LRCH3: variants seen among roughly 807,000 people sequenced by gnomAD.
LRCH3 encodes the protein leucine rich repeats and calponin homology domain containing 3.
In LRCH3, 68 loss-of-function variants were observed where a neutral mutation model predicts 104.5. The observed-to-expected ratio is 0.65, with a 90% CI of 0.54 to 0.80. The LOEUF (loss-of-function observed/expected upper bound fraction) is 0.80, where lower values mean the gene tolerates loss of function less well. LRCH3 is among the 30% of genes least tolerant of loss of function. The pLI is 0.00. For synonymous variants in LRCH3, 344 were observed against 361.3 expected, an observed-to-expected ratio of 0.95 and a Z score of 0.54; for missense variants, 951 against 953.9, an observed-to-expected ratio of 1.00 and a Z score of 0.04.
chr3:197,845,717 C>T (rs1738575695), intron 10 of LRCH3, among the ~76,000 whole-genome samples: 1 of 151,926 alleles, frequency 6.6e-6, no homozygotes, highest in South Asian at 2.1e-4. Context: ...CCAGCCTGGC[C>T]AGCATGGTGA....
At chr3:197,824,448 CTT>C (rs982428687) in intron 4 of LRCH3, among the ~76,000 whole-genome samples, 3 of 149,726 alleles carry the variant, frequency 2.0e-5, no homozygotes, top group African/African-American at 7.4e-5. Flanking sequence ...ATTCCACCCT[CTT>C]TTTCCAGCAG....
intron 12 of LRCH3, chr3:197,850,351 C>CTTTTTTTT (rs199876882): frequency 1.1e-4 from 67 of 619,434 alleles, no homozygotes; most frequent in South Asian, 3.7e-4. Context: ...ACCATTTTTT[C>CTTTTTTTT]TTTTTTTTTT....
At chr3:197,881,938 T>A in intron 20 of LRCH3, 1 of 985,468 alleles carries the variant, frequency 1.0e-6, no homozygotes, top group Non-Finnish European at 1.2e-6. Context: ...TGTTCACTAT[T>A]AATGCTGAAA....
rs1280420132 is a variant in LRCH3 at position 197,886,461 on chromosome 3, T to C, written c.*2795T>C. Reference sequence around the variant, plus strand: ...TTCCCAACAGACCCACCAACTCTTATATACCCTTATATAACTTGTTTAGAA... The same window carrying C: ...TTCCCAACAGACCCACCAACTCTTACATACCCTTATATAACTTGTTTAGAA... On this transcript the variant is annotated 3_prime_UTR_variant, in exon 21 of 21. Transcript: ENST00000425562. 1.3e-5 allele frequency: 2 copies of C among 152,222 alleles called. No individual in the cohort carries two copies. The highest frequency in any genetic ancestry group is 2.9e-5 in the Non-Finnish European group (2 of 68,040). 9.4% of individuals were successfully genotyped at this position (152,222 alleles called of 1,614,324 possible). A position where few individuals can be genotyped will look rare whatever the true frequency, so the allele number is the denominator to read the frequency against.
At chr3:197,817,003 T>C (rs575691407) in intron 2 of LRCH3, among the ~76,000 whole-genome samples, 173 bp from the exon 3 acceptor site, 1 of 152,214 alleles carries the variant, frequency 6.6e-6, no homozygotes, top group Non-Finnish European at 1.5e-5. Context: ...TTCAACACTG[T>C]GCCTGTAACC....
In LRCH3 at chr3:197,884,873, A is replaced by G. The variant is rs2109591288; in HGVS notation, c.*1207A>G. The G allele has an allele frequency of 6.6e-6, 1 of 152,348 alleles. No individual in the cohort carries two copies. The highest frequency in any genetic ancestry group is 2.4e-5 in the African/African-American group (1 of 41,510). The allele number at this position is 152,348 out of a possible 1,614,324, so 9.4% of individuals were successfully genotyped here. A position where few individuals can be genotyped will look rare whatever the true frequency, so the allele number is the denominator to read the frequency against. The stretch of plus-strand genomic sequence containing the variant: ...ACTGATCCTCCCGCCTCAGCCTCCC[A>G]AAGTGCTGGGATTACTGGAGTGAGC... On this transcript the variant is annotated 3_prime_UTR_variant, in exon 21 of 21. Transcript: ENST00000425562.
chr3:197,883,331 G>A lies in LRCH3; in HGVS notation c.2209-210G>A. 7.4e-7 allele frequency: 1 copy of A among 1,358,116 alleles called. No individual in the cohort carries two copies. The highest frequency in any genetic ancestry group is 9.5e-7 in the Non-Finnish European group (1 of 1,055,250). The allele number at this position is 1,358,116 out of a possible 1,614,324, so 84.1% of individuals were successfully genotyped here. A position where few individuals can be genotyped will look rare whatever the true frequency, so the allele number is the denominator to read the frequency against. ...TTCCAATTTTGAAAATGATCTGTAT[G>A]TACTTTTAGTTGTATTAATAAAGTG... On this transcript the variant is annotated intron_variant, in intron 20 of 20. Transcript: ENST00000425562. This position sits in a 1 kb window ranked among gnomAD's most constrained non-coding sequence, Gnocchi z 4.2.
At chr3:197,844,623 G>T (rs56302469) in intron 10 of LRCH3, among the ~76,000 whole-genome samples, 4 of 146,052 alleles carry the variant, frequency 2.7e-5, no homozygotes, top group Non-Finnish European at 4.5e-5. Context: ...TAGGTTTTTT[G>T]TTTTTTTTTT....
At chr3:197,797,733 G>C (rs1731387268) in intron 1 of LRCH3, among the ~76,000 whole-genome samples, 1 of 151,874 alleles carries the variant, frequency 6.6e-6, no homozygotes, top group Non-Finnish European at 1.5e-5. Context: ...CCATTGGCAG[G>C]CGCCTATAAT....
Position 197,791,256 on chromosome 3 carries a change from G to GC in LRCH3, c.-20dup. 6.2e-7 allele frequency: 1 copy of GC among 1,605,636 alleles called. No homozygotes were observed. The highest frequency in any genetic ancestry group is 1.1e-5 in the South Asian group (1 of 89,950). On this transcript the variant is annotated 5_prime_UTR_variant, in exon 1 of 21. Transcript: ENST00000425562. ...GGCCGCGCATGCGCTGAGCTGGCGG[G>GC]CCCGAGTGTTGTCGGCTGGGAAATG...
At chr3:197,803,341 A>G (rs1407769950) in intron 1 of LRCH3, among the ~76,000 whole-genome samples, 1 of 152,188 alleles carries the variant, frequency 6.6e-6, no homozygotes, top group Non-Finnish European at 1.5e-5. Flanking sequence ...AGTGTTGTGC[A>G]TAGAATCACC....
chr3:197,834,907 GC>G (rs1736488059), intron 8 of LRCH3, among the ~76,000 whole-genome samples: 3 of 152,276 alleles, frequency 2.0e-5, no homozygotes, highest in Admixed American at 1.3e-4. Context: ...ACTTTGGGTG[GC>G]CACAGTGGGC....
At chr3:197,867,245 C>A (rs991882030) in intron 17 of LRCH3, among the ~76,000 whole-genome samples, 1 of 152,032 alleles carries the variant, frequency 6.6e-6, no homozygotes, top group African/African-American at 2.4e-5. Flanking sequence ...CCACTATACT[C>A]CAGTCTGGGC....
chr3:197,850,497 T>A (rs1739432027), intron 12 of LRCH3: 1 of 1,592,062 alleles, frequency 6.3e-7, no homozygotes, highest in Non-Finnish European at 8.5e-7. Flanking sequence ...AATCTGTTCC[T>A]TTTCCATAAG....
intron 17 of LRCH3, among the ~76,000 whole-genome samples, chr3:197,869,287 C>T (rs1180693304): frequency 3.3e-5 from 5 of 149,786 alleles, no homozygotes; most frequent in Admixed American, 3.3e-4. Flanking sequence ...AAGCGATGCA[C>T]TGTACCTGCA....
chr3:197,825,349 T>TAA (rs1257883132), intron 4 of LRCH3, among the ~76,000 whole-genome samples: 1 of 147,304 alleles, frequency 6.8e-6, no homozygotes, highest in Non-Finnish European at 1.5e-5. Context: ...TTTTGGGAAA[T>TAA]TGTTTTATAT....
intron 4 of LRCH3, among the ~76,000 whole-genome samples, chr3:197,820,747 T>C (rs1404803494): frequency 6.6e-6 from 1 of 152,100 alleles, no homozygotes; most frequent in Non-Finnish European, 1.5e-5. Context: ...AGGCCAAGGC[T>C]GCAGTGAGCT....
At chr3:197,813,359 G>T (rs570449628) in intron 1 of LRCH3, among the ~76,000 whole-genome samples, 10 of 152,118 alleles carry the variant, frequency 6.6e-5, no homozygotes, top group Admixed American at 3.9e-4. Context: ...ATCAAAATGG[G>T]TAATGATAGA....
intron 10 of LRCH3, among the ~76,000 whole-genome samples, chr3:197,841,828 T>TTTG (rs1484121385): frequency 1.3e-5 from 2 of 151,646 alleles, no homozygotes; most frequent in African/African-American, 4.9e-5. Flanking sequence ...TTTGTTTTGT[T>TTTG]TTGTTTTGTT....
Sources: gnomAD v4.1 joint callset for allele counts (sites outside exome capture counted in the v4.1 genomes callset) on GRCh38, gnomAD v4.1.1 for gene constraint, Gnocchi (gnomAD v3.1) non-coding constraint, MANE v1.5 for transcripts, NCBI Gene and HGNC (gene_info 2026-07-23, HGNC 2026-07-21) for gene names.